The following IL7R variants were observed in gnomAD, a reference collection of about 807,000 sequenced individuals.
The protein encoded by IL7R is interleukin-7 receptor subunit alpha.
In IL7R, 38 loss-of-function variants were observed where a neutral mutation model predicts 47.0. The observed-to-expected ratio is 0.81, with a 90% confidence interval of 0.62 to 1.06. The LOEUF (loss-of-function observed/expected upper bound fraction) is 1.06. IL7R is among the 50% of genes least tolerant of loss of function. The pLI, the probability that IL7R is intolerant of heterozygous loss-of-function variation, is 0.00. For missense variants in IL7R, 633 were observed against 534.8 expected (o/e 1.18, Z -1.81); for synonymous variants, 221 against 199.8 (o/e 1.11, Z -0.89).
chr5:35,857,174 T>A, intron 1 of IL7R, 115 bp downstream of exon 1: 1 of 752,566 alleles, frequency 1.3e-6, no homozygotes, highest in East Asian at 2.4e-5. Context: ...AGTTTGAGAA[T>A]TTCCCACATA....
rs13167136 is a variant in IL7R at position 35,879,033 on chromosome 5, G to A, written c.*2547G>A. 30,728 of 232,574 alleles carry A rather than the reference G, an allele frequency of 0.13. 2,066 individuals carry two copies. The highest frequency in any genetic ancestry group is 0.15 in the Admixed American group (2,582 of 17,754). The allele number at this position is 232,574 out of a possible 1,614,324, so 14.4% of individuals were successfully genotyped here. Reference sequence around the variant, plus strand: ...TATATACCTAGGGACAATGTGTAATGTAAGATTACTAATTGGTTCTGCCCA... The same window carrying A: ...TATATACCTAGGGACAATGTGTAATATAAGATTACTAATTGGTTCTGCCCA... On this transcript the variant is annotated 3_prime_UTR_variant, in exon 8 of 8. Transcript: ENST00000303115.
intron 1 of IL7R, among the ~76,000 whole-genome samples, chr5:35,858,045 G>T (rs1759702741): frequency 6.6e-6 from 1 of 152,060 alleles, no homozygotes; most frequent in African/African-American, 2.4e-5. Flanking sequence ...CTCACTTTAT[G>T]GGGGATGATT....
intron 2 of IL7R, 152 bp from the exon 3 acceptor site, chr5:35,867,154 A>C (rs545888053): frequency 2.2e-5 from 14 of 643,144 alleles, no homozygotes; most frequent in Non-Finnish European, 3.6e-5. Context: ...TTAATTCATT[A>C]TCTCTCATTC....
At chr5:35,875,891 C>T in intron 7 of IL7R, 92 bp from the exon 8 acceptor site, 1 of 1,380,402 alleles carries the variant, frequency 7.2e-7, no homozygotes, top group African/African-American at 1.4e-5. Flanking sequence ...CATTCCCTGT[C>T]AGAAAACTCT....
intron 2 of IL7R, among the ~76,000 whole-genome samples, chr5:35,861,869 C>T (rs1759829195): frequency 6.6e-6 from 1 of 152,064 alleles, no homozygotes; most frequent in Non-Finnish European, 1.5e-5. Flanking sequence ...AATTCATATC[C>T]GAATGACCTA....
chr5:35,876,206 T>C lies in IL7R; in HGVS notation c.1100T>C (p.Leu367Pro), dbSNP rs765146917. 1 of 1,614,034 alleles carries C rather than the reference T, an allele frequency of 6.2e-7. No individual in the cohort carries two copies. Among genetic ancestry groups the C allele is most frequent in the African/African-American group, 1.3e-5 (1 of 74,920 alleles). Residue 367 changes from leucine (L) to proline (P), a missense_variant, in exon 8 of 8, where the codon CTC becomes CCC. Transcript: ENST00000303115. The part of the protein sequence containing the change: ...TPESFGRDSS[L>P]TCLAGNVSAC... ...GAAAGCTTTGGAAGAGATTCATCCC[T>C]CACATGCCTGGCTGGGAATGTCAGT...
chr5:35,863,324 G>A (rs1759864454), intron 2 of IL7R, among the ~76,000 whole-genome samples: 1 of 152,070 alleles, frequency 6.6e-6, no homozygotes, highest in Non-Finnish European at 1.5e-5. Flanking sequence ...TAAACCAAAG[G>A]TGAAAGATTC....
At chr5:35,860,355 C>A (rs80229624) in intron 1 of IL7R, among the ~76,000 whole-genome samples, 1 of 152,018 alleles carries the variant, frequency 6.6e-6, no homozygotes, top group Non-Finnish European at 1.5e-5. Context: ...TGCAAGATAG[C>A]TATCATTGTC....
At position 35,876,003 on chromosome 5, in the gene IL7R, TCCTGA is replaced by T. The variant is rs763041846; in HGVS notation, c.898_902del (p.Pro300LysfsTer9). On this transcript the variant is annotated frameshift_variant, in exon 8 of 8. Transcript: ENST00000303115. LOFTEE classifies it high-confidence loss of function. ...TGCAGAATTTAAATGTGAGTTTCAA[TCCTGA>T]AAGTTTCCTGGACTGCCAGATTCAT... The T allele has an allele frequency of 1.3e-5, 21 of 1,613,416 alleles. No homozygotes were observed. Among genetic ancestry groups the T allele is most frequent in the Non-Finnish European group, 1.7e-5 (20 of 1,180,032 alleles).
Position 35,867,317 on chromosome 5 carries a change from T to C in IL7R, c.233T>C (p.Val78Ala), listed in dbSNP as rs1301073730. The C allele has an allele frequency of 1.9e-6, 3 of 1,613,524 alleles. No homozygotes were observed. Among genetic ancestry groups the C allele is most frequent in the Non-Finnish European group, 2.5e-6 (3 of 1,179,584 alleles). Residue 78 changes from valine to alanine, a missense_variant, in exon 3 of 8, where the codon GTG becomes GCG. Val to Ala is a moderately conservative substitution (Grantham distance 64). Transcript: ENST00000303115. Reference protein sequence around the residue: ...NLEFEICGALVEVKCLNFRKL... With the variant: ...NLEFEICGALAEVKCLNFRKL... ...TTTTATTCCTACAGTGGGGCCCTCGTGGAGGTAAAGTGCCTGAATTTCAGG... is the reference window on the plus strand; with the variant it reads ...TTTTATTCCTACAGTGGGGCCCTCGCGGAGGTAAAGTGCCTGAATTTCAGG...
chr5:35,871,088 G>A lies in IL7R; in HGVS notation c.412G>A (p.Val138Ile), dbSNP rs1494555. Reference sequence around the variant, plus strand: ...TGAGGCTCCTTTTGACCTGAGTGTCGTCTATCGGGAAGGAGCCAATGACTT... The same window carrying A: ...TGAGGCTCCTTTTGACCTGAGTGTCATCTATCGGGAAGGAGCCAATGACTT... ...KPEAPFDLSV[V>I]YREGANDFVV... Residue 138 changes from valine (V) to isoleucine (I), a missense_variant, in exon 4 of 8, where the codon GTC (valine) becomes ATC (isoleucine). Physicochemically the swap from Val to Ile is conservative, Grantham distance 29. Transcript: ENST00000303115. The A allele has an allele frequency of 0.67, 1,081,731 of 1,610,224 alleles. 367,924 individuals are homozygous for A. The highest frequency in any genetic ancestry group is 0.88 in the African/African-American group (65,661 of 74,940).
rs114412423 is a variant in IL7R, at chr5:35,869,472, A to T, written c.380-1584A>T. Among the ~76,000 whole-genome samples the T allele has an allele frequency of 6.6e-3, 1,000 of 152,324 alleles. 13 individuals are homozygous for T. Among genetic ancestry groups the T allele is most frequent in the African/African-American group, 0.023 (944 of 41,574 alleles). ...GAGAAACAAAAGCTAAATGAAGAAGAGTGAGCCTCAGAATCAAAGAACTGG... is the reference window on the plus strand; with the variant it reads ...GAGAAACAAAAGCTAAATGAAGAAGTGTGAGCCTCAGAATCAAAGAACTGG... On this transcript the variant is annotated intron_variant, in intron 3 of 7. Coordinates refer to ENST00000303115, the MANE Select transcript of IL7R (RefSeq NM_002185.5).
In IL7R at chr5:35,867,739, T is replaced by C. The variant is rs559783402; in HGVS notation, c.379+276T>C. The C allele has an allele frequency of 2.0e-5, 12 of 599,502 alleles. No individual in the cohort carries two copies. The African/African-American group carries it at 2.2e-4, about 11-fold the overall frequency. 37.1% of individuals were successfully genotyped at this position (599,502 alleles called of 1,614,324 possible). A position where few individuals can be genotyped will look rare whatever the true frequency, so the allele number is the denominator to read the frequency against. On this transcript the variant is annotated intron_variant, in intron 3 of 7. Transcript: ENST00000303115. ...CTAACTGGAGCTGGGCTTCCTGTCA[T>C]CCATCACAGGTGTCCTTTCCTTCCT... is the stretch of plus-strand genomic sequence containing the variant.
Position 35,877,937 on chromosome 5 carries a change from A to G in IL7R, c.*1451A>G, listed in dbSNP as rs1760256945. ...GCAGATGCTGCACAGAAAACTAGAG[A>G]AGGGGTCATAGGTTCATGGTTTTGT... is the stretch of plus-strand genomic sequence containing the variant. On this transcript the variant is annotated 3_prime_UTR_variant, in exon 8 of 8. Coordinates refer to ENST00000303115, the MANE Select transcript of IL7R (RefSeq NM_002185.5). The G allele has an allele frequency of 1.7e-5, 4 of 233,004 alleles. No homozygotes were observed. The highest frequency in any genetic ancestry group is 3.4e-5 in the Non-Finnish European group (4 of 118,034). 14.4% of individuals were successfully genotyped at this position (233,004 alleles called of 1,614,324 possible).
chr5:35,878,458 T>A lies in IL7R; in HGVS notation c.*1972T>A, dbSNP rs1175457253. The A allele has an allele frequency of 4.3e-6, 1 of 232,678 alleles. No homozygotes were observed. Among genetic ancestry groups the A allele is most frequent in the African/African-American group, 2.2e-5 (1 of 45,282 alleles). The allele number at this position is 232,678 out of a possible 1,614,324, so 14.4% of individuals were successfully genotyped here. ...ATTATTATTATATTATAAAATGCTATAAAAGAGCCATATTGAAAGTGCCCT... is the reference window on the plus strand; with the variant it reads ...ATTATTATTATATTATAAAATGCTAAAAAAGAGCCATATTGAAAGTGCCCT... On this transcript the variant is annotated 3_prime_UTR_variant, in exon 8 of 8. Coordinates refer to ENST00000303115, the MANE Select transcript of IL7R (RefSeq NM_002185.5).
chr5:35,874,651 C>T (rs571108806), intron 6 of IL7R, 109 bp downstream of exon 6: 6 of 839,846 alleles, frequency 7.1e-6, no homozygotes, highest in Non-Finnish European at 1.0e-5. Flanking sequence ...AGGCATTTCA[C>T]GAATTTAGTG....
chr5:35,862,159 A>G (rs1280319757), intron 2 of IL7R, among the ~76,000 whole-genome samples: 1 of 152,172 alleles, frequency 6.6e-6, no homozygotes, highest in African/African-American at 2.4e-5. Flanking sequence ...GGAATAAAAT[A>G]TGTCAAAAGA....
rs700179 is a variant in IL7R at position 35,879,493 on chromosome 5, A to G, written c.*3007A>G. On this transcript the variant is annotated 3_prime_UTR_variant, in exon 8 of 8. Transcript: ENST00000303115. Reference sequence around the variant, plus strand: ...TCACTACAGTGAAGATCTCTGATTTAACCGTGTACTATCCACATGCATTAC... The same window carrying G: ...TCACTACAGTGAAGATCTCTGATTTGACCGTGTACTATCCACATGCATTAC... 0.29 allele frequency: 66,843 copies of G among 231,678 alleles called. 10,841 individuals are homozygous for G. The highest frequency in any genetic ancestry group is 0.46 in the African/African-American group (20,666 of 45,274). The allele number at this position is 231,678 out of a possible 1,614,324, so 14.4% of individuals were successfully genotyped here.
chr5:35,858,263 C>G (rs1759711031), intron 1 of IL7R, among the ~76,000 whole-genome samples: 1 of 152,040 alleles, frequency 6.6e-6, no homozygotes, highest in East Asian at 1.9e-4. Context: ...GTATAATTAC[C>G]CTATTCACAT....
Sources: allele counts gnomAD v4.1 joint callset (sites outside exome capture counted in the v4.1 genomes callset), GRCh38; gene constraint gnomAD v4.1.1; transcripts MANE v1.5; gene names NCBI Gene and HGNC (gene_info 2026-07-23, HGNC 2026-07-21).